The following DEFB131A variants were observed in gnomAD, a reference collection of about 807,000 sequenced individuals.
DEFB131A encodes the protein defensin beta 131A, also known as beta-defensin 131A.
Under a neutral mutation model 2.4 loss-of-function variants are expected in DEFB131A, and 5 were observed. The ratio of observed to expected loss-of-function variants is 2.12; its 90% CI spans 1.11 to 4.47. The LOEUF is 4.47. Among genes scored for constraint, DEFB131A ranks in the 30% most tolerant of loss-of-function variants. The probability of loss-of-function intolerance (pLI) is 0.00; values close to 1 mark genes in which losing one functional copy is unlikely to be tolerated. For missense variants in DEFB131A, 120 were observed against 79.9 expected (o/e 1.50, Z -1.91); for synonymous variants, 34 against 25.7 (o/e 1.32, Z -0.97).
At position 9,444,582 on chromosome 4, in the gene DEFB131A, G is replaced by A. The variant is rs539139420; in HGVS notation, c.49G>A (p.Val17Ile). 8 of 1,592,838 alleles carry A rather than the reference G, an allele frequency of 5.0e-6. No individual in the cohort carries two copies. In the East Asian group the frequency reaches 1.4e-4, roughly 27 times the overall value. The change falls in exon 1 of 2, where the codon GTT becomes ATT. Residue 17 changes from valine to isoleucine, a missense_variant. Val to Ile is a conservative substitution (Grantham distance 29). Transcript: ENST00000334879. ...VFGVLSLMFT[V>I]PPARSFISND... ...TGGAGTCCTTTCCTTGATGTTCACA[G>A]TTCCTCCAGGTAAGACAGAAACTTT... is the stretch of plus-strand genomic sequence containing the variant.
chr4:9,446,527 C>T (rs145680794), intron 1 of DEFB131A, among the ~76,000 whole-genome samples: 18,031 of 151,888 alleles, frequency 0.12, 1,108 homozygotes, highest in Admixed American at 0.19. Flanking sequence ...GTCTGTTTAT[C>T]TCTTCCAAAA....
chr4:9,448,001 G>A (rs1226712027), intron 1 of DEFB131A, among the ~76,000 whole-genome samples: 1 of 151,988 alleles, frequency 6.6e-6, no homozygotes. Flanking sequence ...TCAGGAGGAG[G>A]GGAAAGAAAG....
At chr4:9,450,197 T>C (rs4246697) in intron 1 of DEFB131A, among the ~76,000 whole-genome samples, 163 bp from the exon 2 acceptor site, 11,943 of 152,254 alleles carry the variant, frequency 0.078, 741 homozygotes, top group Non-Finnish European at 0.11. Flanking sequence ...TCATCGCTTG[T>C]CTTTATTCAG....
chr4:9,448,532 C>A (rs1290397642), intron 1 of DEFB131A, among the ~76,000 whole-genome samples: 1 of 152,094 alleles, frequency 6.6e-6, no homozygotes, highest in Non-Finnish European at 1.5e-5. Context: ...CTAGGTTAGC[C>A]AGGCTGGTCT....
chr4:9,447,159 G>T (rs1377499602), intron 1 of DEFB131A, among the ~76,000 whole-genome samples: 1 of 152,152 alleles, frequency 6.6e-6, no homozygotes, highest in Admixed American at 6.5e-5. Context: ...CTACCTAGAT[G>T]ATCTGTTCAA....
Position 9,444,448 on chromosome 4 carries a change from C to T in DEFB131A, c.-86C>T. ...GAAAGGTTCAATAATCACTCAACAA[C>T]TCACCTCTTCAGAGAACTGAATGTA... On this transcript the variant is annotated 5_prime_UTR_variant, in exon 1 of 2. Coordinates refer to ENST00000334879, the MANE Select transcript of DEFB131A (RefSeq NM_001040448.3). 2 of 1,483,976 alleles carry T rather than the reference C, an allele frequency of 1.3e-6. No individual in the cohort carries two copies. Among genetic ancestry groups the T allele is most frequent in the Non-Finnish European group, 1.9e-6 (2 of 1,080,934 alleles). The allele number at this position is 1,483,976 out of a possible 1,614,324, so 91.9% of individuals were successfully genotyped here. A position where few individuals can be genotyped will look rare whatever the true frequency, so the allele number is the denominator to read the frequency against.
intron 1 of DEFB131A, among the ~76,000 whole-genome samples, chr4:9,445,571 A>C (rs1217277613): frequency 6.6e-6 from 1 of 151,072 alleles, no homozygotes; most frequent in Non-Finnish European, 1.5e-5. Flanking sequence ...GCACATTTTA[A>C]TACTTAACAA....
intron 1 of DEFB131A, 89 bp downstream of exon 1, chr4:9,444,680 C>G: frequency 7.3e-7 from 1 of 1,366,934 alleles, no homozygotes; most frequent in Middle Eastern, 2.6e-4. Context: ...ATAAAATAGG[C>G]ATGGGCAGAT....
intron 1 of DEFB131A, among the ~76,000 whole-genome samples, chr4:9,445,496 A>G (rs1717471645): frequency 6.6e-6 from 1 of 151,936 alleles, no homozygotes; most frequent in Non-Finnish European, 1.5e-5. Context: ...CATAATAAAA[A>G]CATATTAAAC....
At position 9,450,475 on chromosome 4, in the gene DEFB131A, A is replaced by G; in HGVS notation, c.174A>G (p.Lys58=). ...GTGCTGACTTCAGCATCTGCTGCAA[A>G]CTGAAGATCATTGAAATTGACGGAC... is the stretch of plus-strand genomic sequence containing the variant. ...RYCADFSICC[K]LKIIEIDGQK... Residue 58 remains lysine (K), a synonymous_variant, in exon 2 of 2, where the codon AAA becomes AAG. Transcript: ENST00000334879. 6.2e-7 allele frequency: 1 copy of G among 1,610,862 alleles called. No homozygotes were observed. Among genetic ancestry groups the G allele is most frequent in the Non-Finnish European group, 8.5e-7 (1 of 1,179,268 alleles).
At chr4:9,447,868 G>A (rs997962778) in intron 1 of DEFB131A, among the ~76,000 whole-genome samples, 5 of 152,062 alleles carry the variant, frequency 3.3e-5, no homozygotes, top group Admixed American at 3.3e-4. Context: ...GAATCAGTGA[G>A]CTTAAAGAAG....
At chr4:9,447,058 C>T (rs1159855306) in intron 1 of DEFB131A, among the ~76,000 whole-genome samples, 1 of 152,076 alleles carries the variant, frequency 6.6e-6, no homozygotes, top group African/African-American at 2.4e-5. Flanking sequence ...AATGTGTACT[C>T]CACAGCTATT....
chr4:9,450,239 G>A (rs1347761344), intron 1 of DEFB131A, 121 bp from the exon 2 acceptor site: 2 of 1,178,418 alleles, frequency 1.7e-6, no homozygotes, highest in African/African-American at 1.6e-5. Context: ...ATTTTTTGCT[G>A]TTGATTTTGT....
Position 9,446,201 on chromosome 4 carries a change from C to T in DEFB131A, c.58+1610C>T, listed in dbSNP as rs189719147. 4.0e-5 allele frequency among the ~76,000 whole-genome samples: 6 copies of T among 151,730 alleles called. No homozygotes were observed. In the East Asian group the frequency reaches 5.8e-4, roughly 15 times the overall value. ...CTTGAAATAAATTTTAAAATGTGCT[C>T]GGAGGTAATATGAGCCTCAGAAAAG... On this transcript the variant is annotated intron_variant, in intron 1 of 1. Coordinates refer to ENST00000334879, the MANE Select transcript of DEFB131A (RefSeq NM_001040448.3).
chr4:9,450,232 T>G, intron 1 of DEFB131A, 128 bp from the exon 2 acceptor site: 3 of 1,126,700 alleles, frequency 2.7e-6, no homozygotes, highest in Middle Eastern at 3.3e-4. Flanking sequence ...CTCTTGCATT[T>G]TTTGCTGTTG....
chr4:9,447,977 T>C (rs1717545468), intron 1 of DEFB131A, among the ~76,000 whole-genome samples: 2 of 151,920 alleles, frequency 1.3e-5, no homozygotes, highest in South Asian at 4.2e-4. Context: ...GAACAATATA[T>C]GTGTAATGAA....
At chr4:9,449,268 A>G (rs927301144) in intron 1 of DEFB131A, among the ~76,000 whole-genome samples, 2 of 139,772 alleles carry the variant, frequency 1.4e-5, no homozygotes, top group Non-Finnish European at 3.1e-5. Context: ...ATTCAAAGCA[A>G]TTTATAGATT....
At chr4:9,445,811 C>A (rs568245003) in intron 1 of DEFB131A, among the ~76,000 whole-genome samples, 77 of 152,104 alleles carry the variant, frequency 5.1e-4, no homozygotes, top group Non-Finnish European at 7.1e-4. Context: ...ATGTTTATAA[C>A]CGCAAGAAGA....
chr4:9,444,556 T>C lies in DEFB131A; in HGVS notation c.23T>C (p.Phe8Ser). The C allele has an allele frequency of 6.2e-7, 1 of 1,611,588 alleles. No individual in the cohort carries two copies. Among genetic ancestry groups the C allele is most frequent in the Non-Finnish European group, 8.5e-7 (1 of 1,179,678 alleles). The part of the protein sequence containing the change: MRVLFFV[F>S]GVLSLMFTVP... ...ACCATGAGGGTCTTGTTTTTTGTCT[T>C]TGGAGTCCTTTCCTTGATGTTCACA... The change falls in exon 1 of 2, where the codon TTT (phenylalanine) becomes TCT (serine). Residue 8 changes from phenylalanine to serine, a missense_variant. Coordinates refer to ENST00000334879, the MANE Select transcript of DEFB131A (RefSeq NM_001040448.3).
Sources: gnomAD v4.1 joint callset for allele counts (sites outside exome capture counted in the v4.1 genomes callset) on GRCh38, gnomAD v4.1.1 for gene constraint, MANE v1.5 for transcripts, NCBI Gene and HGNC (gene_info 2026-07-23, HGNC 2026-07-21) for gene names.